ANKFN1: variants seen among roughly 807,000 people sequenced by gnomAD.
ANKFN1 encodes the protein ankyrin repeat and fibronectin type III domain containing 1, also known as ankyrin repeat and fibronectin type-III domain-containing protein 1.
ANKFN1 carries 74 observed loss-of-function variants against 108.7 expected under a neutral mutation model. That is an observed-to-expected ratio of 0.68 (90% CI 0.56 to 0.83). ANKFN1 has a LOEUF of 0.83. Among genes scored for constraint, ANKFN1 ranks in the 40% least tolerant of loss-of-function variants. ANKFN1 has a pLI of 0.00. For missense variants in ANKFN1, 1,505 were observed against 1,382.3 expected, an observed-to-expected ratio of 1.09 and a Z score of -1.41; for synonymous variants, 547 against 516.2, an observed-to-expected ratio of 1.06 and a Z score of -0.81.
chr17:56,258,967 G>A (rs534823681), intron 3 of ANKFN1, among the ~76,000 whole-genome samples: 2 of 152,196 alleles, frequency 1.3e-5, no homozygotes, highest in South Asian at 2.1e-4. Flanking sequence ...AATGGTACAG[G>A]TGTTCCTTTG....
chr17:56,183,068 G>A (rs998598094), intron 1 of ANKFN1, among the ~76,000 whole-genome samples: 4 of 152,182 alleles, frequency 2.6e-5, no homozygotes, highest in Admixed American at 6.5e-5. Context: ...TATTGACAAT[G>A]CAGCTCATCA....
chr17:56,159,007 T>C (rs1464055253), intron 1 of ANKFN1, among the ~76,000 whole-genome samples: 1 of 116,384 alleles, frequency 8.6e-6, no homozygotes, highest in Non-Finnish European at 1.6e-5. Context: ...AGAAAATATT[T>C]ACCACCATCT....
intron 4 of ANKFN1, among the ~76,000 whole-genome samples, chr17:56,091,009 C>T (rs200772202): frequency 2.0e-5 from 3 of 151,390 alleles, no homozygotes; most frequent in Admixed American, 2.0e-4. Flanking sequence ...CACTTGTGAA[C>T]AATTGTTACA....
At chr17:56,475,128 A>G (rs140036879) in intron 15 of ANKFN1, among the ~76,000 whole-genome samples, 236 of 152,334 alleles carry the variant, frequency 1.5e-3, no homozygotes, top group African/African-American at 5.2e-3. Flanking sequence ...CTAAGGACAC[A>G]AAGCAATGAA....
intron 6 of ANKFN1, among the ~76,000 whole-genome samples, chr17:56,371,011 CTTATA>C (rs1362868022): frequency 2.6e-5 from 4 of 151,844 alleles, no homozygotes; most frequent in African/African-American, 9.7e-5. Flanking sequence ...GTCCACAGCA[CTTATA>C]TTATCATTTA....
At chr17:56,078,702 A>G (rs1441299258) in intron 4 of ANKFN1, among the ~76,000 whole-genome samples, 4 of 152,224 alleles carry the variant, frequency 2.6e-5, no homozygotes, top group African/African-American at 7.2e-5. Flanking sequence ...TACCCTGGGC[A>G]GGCATCGTGG....
chr17:56,203,372 C>T (rs1397021845), intron 1 of ANKFN1, among the ~76,000 whole-genome samples: 1 of 152,198 alleles, frequency 6.6e-6, no homozygotes, highest in African/African-American at 2.4e-5. Context: ...TGCCCATTCA[C>T]ATCCATCGTC....
Position 56,433,677 on chromosome 17 carries a change from G to A in ANKFN1, c.911-6650G>A, listed in dbSNP as rs537022959. Among the ~76,000 whole-genome samples, 21 of 152,238 alleles carry A rather than the reference G, an allele frequency of 1.4e-4. No individual in the cohort carries two copies. The East Asian group carries it at 3.9e-3, about 28-fold the overall frequency. On this transcript the variant is annotated intron_variant, in intron 8 of 20. Coordinates refer to ENST00000682825, the MANE Select transcript of ANKFN1 (RefSeq NM_001370326.1). Reference sequence around the variant, plus strand: ...ACACGATGGACTTTGAGACTCAAGGGGAAAGGGCGGGAAGGGGGTGAGGGA... The same window carrying A: ...ACACGATGGACTTTGAGACTCAAGGAGAAAGGGCGGGAAGGGGGTGAGGGA...
chr17:56,406,287 GT>G lies in ANKFN1; in HGVS notation c.910+31579del, dbSNP rs139221621. Reference sequence around the variant, plus strand: ...AAAGTTTTCTGTAAATTTCCACAGTGTTTTTTCCCCCTATATTGACAAACAG... The same window carrying G: ...AAAGTTTTCTGTAAATTTCCACAGTGTTTTTCCCCCTATATTGACAAACAG... On this transcript the variant is annotated intron_variant, in intron 8 of 20. Coordinates refer to ENST00000682825, the MANE Select transcript of ANKFN1 (RefSeq NM_001370326.1). 5.2e-3 allele frequency among the ~76,000 whole-genome samples: 790 copies of G among 152,160 alleles called. 5 individuals carry two copies. Among genetic ancestry groups the G allele is most frequent in the African/African-American group, 0.018 (732 of 41,512 alleles).
At chr17:56,257,077 T>C (rs747653886) in intron 3 of ANKFN1, among the ~76,000 whole-genome samples, 2 of 152,212 alleles carry the variant, frequency 1.3e-5, no homozygotes. Context: ...AATAGCAATA[T>C]TGTGATGGGA....
chr17:56,384,709 C>T (rs1295582735), intron 8 of ANKFN1, among the ~76,000 whole-genome samples: 1 of 152,104 alleles, frequency 6.6e-6, no homozygotes, highest in East Asian at 1.9e-4. Context: ...TGAGTGAACT[C>T]CCATTCACAA....
chr17:56,279,598 G>GT (rs1555621429), intron 3 of ANKFN1, among the ~76,000 whole-genome samples: 1 of 151,426 alleles, frequency 6.6e-6, no homozygotes, highest in Non-Finnish European at 1.5e-5. Context: ...CCCTCTCTCT[G>GT]TTTTTTCTCT....
At chr17:56,480,541 T>G in intron 16 of ANKFN1, 127 bp from the exon 17 acceptor site, 1 of 995,852 alleles carries the variant, frequency 1.0e-6, no homozygotes, top group South Asian at 1.7e-5. Flanking sequence ...TCAAATTTCA[T>G]GAATTACACT....
At chr17:56,154,777 G>A (rs1168156614) in intron 1 of ANKFN1, among the ~76,000 whole-genome samples, 1 of 152,164 alleles carries the variant, frequency 6.6e-6, no homozygotes, top group African/African-American at 2.4e-5. Flanking sequence ...CATTTGGGGG[G>A]CTCCATTCAT....
At chr17:56,489,656 C>A (rs763406664) in intron 18 of ANKFN1, among the ~76,000 whole-genome samples, 4 of 151,804 alleles carry the variant, frequency 2.6e-5, no homozygotes, top group Non-Finnish European at 4.4e-5. Context: ...GATAGTGTTT[C>A]TTTTAAAGAA....
intron 1 of ANKFN1, among the ~76,000 whole-genome samples, chr17:56,175,079 C>A (rs1391151569): frequency 6.6e-6 from 1 of 152,092 alleles, no homozygotes; most frequent in African/African-American, 2.4e-5. Flanking sequence ...TTGTATTAAG[C>A]AAATATTTTC....
chr17:56,091,460 A>ACACAC (rs1905418295), intron 4 of ANKFN1, among the ~76,000 whole-genome samples: 1 of 149,448 alleles, frequency 6.7e-6, no homozygotes, highest in African/African-American at 2.5e-5. Context: ...ACACACACAC[A>ACACAC]CAGAGTTCAT....
chr17:56,441,875 T>C (rs376871173), intron 9 of ANKFN1, among the ~76,000 whole-genome samples: 1 of 151,976 alleles, frequency 6.6e-6, no homozygotes, highest in Non-Finnish European at 1.5e-5. Flanking sequence ...TATTTTATGA[T>C]CCCTAGAAAA....
At chr17:56,501,787 C>A (rs1363892318) in intron 20 of ANKFN1, among the ~76,000 whole-genome samples, 3 of 151,888 alleles carry the variant, frequency 2.0e-5, no homozygotes, top group Non-Finnish European at 4.4e-5. Flanking sequence ...AAGGAACAAC[C>A]AGAGAAAGAA....
Sources: gnomAD v4.1 joint callset for allele counts (sites outside exome capture counted in the v4.1 genomes callset) on GRCh38, gnomAD v4.1.1 for gene constraint, MANE v1.5 for transcripts, NCBI Gene and HGNC (gene_info 2026-07-23, HGNC 2026-07-21) for gene names.